Variants in MTSS1 observed in about 807,000 individuals in gnomAD.
MTSS1 encodes protein MTSS 1.
MTSS1 carries 18 observed loss-of-function variants against 79.0 expected under a neutral mutation model. That is an observed-to-expected ratio of 0.23 (90% CI 0.16 to 0.34). The LOEUF is 0.34. Among genes scored for constraint, MTSS1 ranks in the 10% least tolerant of loss-of-function variants. The probability of loss-of-function intolerance (pLI) is 1.00; values close to 1 mark genes in which losing one functional copy is unlikely to be tolerated. For synonymous variants in MTSS1, 341 were observed against 368.6 expected (o/e 0.93, Z 0.86); for missense variants, 815 against 986.2 (o/e 0.83, Z 2.33).
At chr8:124,675,040 T>C (rs559867167) in intron 3 of MTSS1, among the ~76,000 whole-genome samples, 2 of 152,328 alleles carry the variant, frequency 1.3e-5, no homozygotes, top group South Asian at 4.1e-4. Context: ...ATTCTTGCTC[T>C]TTCTGTTTTC....
chr8:124,631,885 G>A (rs1816026557), intron 3 of MTSS1, among the ~76,000 whole-genome samples: 1 of 152,316 alleles, frequency 6.6e-6, no homozygotes, highest in South Asian at 2.1e-4. Context: ...CTCTTCCACT[G>A]CAGCTACTGG....
At chr8:124,691,962 C>T (rs1210453925) in intron 3 of MTSS1, among the ~76,000 whole-genome samples, 3 of 151,182 alleles carry the variant, frequency 2.0e-5, no homozygotes, top group Non-Finnish European at 4.4e-5. Flanking sequence ...CAGTTTGAGG[C>T]TAAAGAGTTT....
At chr8:124,684,104 A>C (rs1176718073) in intron 3 of MTSS1, among the ~76,000 whole-genome samples, 1 of 151,838 alleles carries the variant, frequency 6.6e-6, no homozygotes, top group African/African-American at 2.4e-5. Context: ...ACCTTTCTTT[A>C]TTTCTTTTTT....
chr8:124,696,277 G>A (rs1332133752), intron 3 of MTSS1, among the ~76,000 whole-genome samples: 1 of 152,130 alleles, frequency 6.6e-6, no homozygotes, highest in Non-Finnish European at 1.5e-5. Context: ...GTGAGCCACT[G>A]CGCCCAGCCT....
intron 1 of MTSS1, among the ~76,000 whole-genome samples, chr8:124,719,011 T>A (rs190919515): frequency 6.6e-6 from 1 of 152,266 alleles, no homozygotes; most frequent in Admixed American, 6.5e-5. Flanking sequence ...TGAGTCCTAA[T>A]GGTACAAATA....
At position 124,727,321 on chromosome 8, in the gene MTSS1, T is replaced by C. The variant is rs1182017681; in HGVS notation, c.72+563A>G. 2.0e-5 allele frequency among the ~76,000 whole-genome samples: 3 copies of C among 152,162 alleles called. No individual in the cohort carries two copies. Among genetic ancestry groups the C allele is most frequent in the Admixed American group, 6.5e-5 (1 of 15,286 alleles). ...GGCTAAGAGAGGGCACGCACACCTT[T>C]ACCAGCTTCGGAACGGCCCAATTAA... On this transcript the variant is annotated intron_variant, in intron 1 of 13. Coordinates refer to ENST00000518547, the MANE Select transcript of MTSS1 (RefSeq NM_014751.6). This position sits in a 1 kb window ranked among gnomAD's most constrained non-coding sequence, Gnocchi z 4.7.
At position 124,727,485 on chromosome 8, in the gene MTSS1, A is replaced by C; in HGVS notation, c.72+399T>G. The stretch of plus-strand genomic sequence containing the variant: ...CCCACTTCCTCCCCACCACCGCGCC[A>C]GGCGCCCCCACCCCGTGCCCGGAGG... On this transcript the variant is annotated intron_variant, in intron 1 of 13. Coordinates refer to ENST00000518547, the MANE Select transcript of MTSS1 (RefSeq NM_014751.6). This position sits in a 1 kb window ranked among gnomAD's most constrained non-coding sequence, Gnocchi z 4.7. 2 of 446,778 alleles carry C rather than the reference A, an allele frequency of 4.5e-6. No homozygotes were observed. The highest frequency in any genetic ancestry group is 1.6e-5 in the South Asian group (1 of 62,716). 27.7% of individuals were successfully genotyped at this position (446,778 alleles called of 1,614,324 possible). A position where few individuals can be genotyped will look rare whatever the true frequency, so the allele number is the denominator to read the frequency against.
At chr8:124,570,286 C>T (rs1827469208) in intron 6 of MTSS1, among the ~76,000 whole-genome samples, 1 of 152,166 alleles carries the variant, frequency 6.6e-6, no homozygotes, top group African/African-American at 2.4e-5. Context: ...ATATAACTCT[C>T]ATCAGTCAAG....
chr8:124,631,420 C>T (rs866517750), intron 3 of MTSS1, among the ~76,000 whole-genome samples: 10 of 152,354 alleles, frequency 6.6e-5, no homozygotes, highest in Middle Eastern at 3.4e-3. Context: ...GAGCGCTACA[C>T]GACAGTCCCG....
chr8:124,611,068 C>T (rs376807046), intron 3 of MTSS1, among the ~76,000 whole-genome samples: 1 of 149,698 alleles, frequency 6.7e-6, no homozygotes, highest in Non-Finnish European at 1.5e-5. Context: ...AAACAGTGCA[C>T]GTGCCTGAGT....
intron 3 of MTSS1, among the ~76,000 whole-genome samples, chr8:124,670,932 C>T (rs942318406): frequency 6.6e-6 from 1 of 152,162 alleles, no homozygotes; most frequent in Non-Finnish European, 1.5e-5. Context: ...CAAAAGAAAA[C>T]ACAGCTACCG....
At chr8:124,557,558 G>T in intron 11 of MTSS1, 123 bp downstream of exon 11, 1 of 1,060,534 alleles carries the variant, frequency 9.4e-7, no homozygotes, top group Non-Finnish European at 1.3e-6. Context: ...GAGGCATTAT[G>T]GGGAAGAAGG....
Position 124,552,915 on chromosome 8 carries a change from T to G in MTSS1, c.*77A>C. 1 of 1,422,976 alleles carries G rather than the reference T, an allele frequency of 7.0e-7. No individual in the cohort carries two copies. The highest frequency in any genetic ancestry group is 2.1e-5 in the Admixed American group (1 of 47,188). 88.1% of individuals were successfully genotyped at this position (1,422,976 alleles called of 1,614,324 possible). A position where few individuals can be genotyped will look rare whatever the true frequency, so the allele number is the denominator to read the frequency against. Reference sequence around the variant, plus strand: ...GCCTACAAAATCTTTTGTTTTATTATAGAGTGGAATGGATCAAGACAAATT... The same window carrying G: ...GCCTACAAAATCTTTTGTTTTATTAGAGAGTGGAATGGATCAAGACAAATT... On this transcript the variant is annotated 3_prime_UTR_variant, in exon 14 of 14. Transcript: ENST00000518547.
intron 3 of MTSS1, among the ~76,000 whole-genome samples, chr8:124,609,472 G>A (rs183695040): frequency 1.1e-4 from 17 of 152,320 alleles, no homozygotes; most frequent in African/African-American, 2.6e-4. Context: ...GGACATTCAC[G>A]TAACCTTCAG....
intron 3 of MTSS1, among the ~76,000 whole-genome samples, chr8:124,686,576 A>C (rs1019062891): frequency 6.6e-6 from 1 of 152,240 alleles, no homozygotes; most frequent in African/African-American, 2.4e-5. Context: ...AAAAAGGCAT[A>C]GCCAGAGTTC....
intron 8 of MTSS1, 94 bp from the exon 9 acceptor site, chr8:124,565,853 C>A: frequency 9.6e-7 from 1 of 1,046,384 alleles, no homozygotes; most frequent in South Asian, 1.6e-5. Context: ...AAAACGCTGC[C>A]ATCGTGGGGG....
chr8:124,612,450 TA>T (rs1233046314), intron 3 of MTSS1, among the ~76,000 whole-genome samples: 5 of 152,230 alleles, frequency 3.3e-5, no homozygotes, highest in Non-Finnish European at 7.3e-5. Context: ...GATGCTGGTT[TA>T]TTTTAGGAGA....
At position 124,699,533 on chromosome 8, in the gene MTSS1, G is replaced by C; in HGVS notation, c.201C>G (p.Asn67Lys). The change falls in exon 3 of 14, where the codon AAC (asparagine) becomes AAG (lysine). Residue 67 changes from asparagine (N) to lysine (K), a missense_variant. Around this residue, in one of 2 missense-constraint regions of MTSS1, gnomAD observed 225 missense variants for 365.4 expected, o/e 0.62. Transcript: ENST00000518547. ...CAGCCTCCATCTGCTTACCACGTGT[G>C]TTGGTGGCCATGTCAGCCACTTTCT... ...AFQKVADMAT[N>K]TRGGTREIGS... 1.2e-6 allele frequency: 2 copies of C among 1,614,166 alleles called. No individual in the cohort carries two copies. Among genetic ancestry groups the C allele is most frequent in the Non-Finnish European group, 1.7e-6 (2 of 1,179,994 alleles).
chr8:124,622,384 C>T (rs921713853), intron 3 of MTSS1, among the ~76,000 whole-genome samples: 3 of 150,598 alleles, frequency 2.0e-5, no homozygotes, highest in Non-Finnish European at 2.9e-5. Flanking sequence ...CAAGATGCAT[C>T]GCCCAGAGAC....
Sources: gnomAD v4.1 joint callset for allele counts (sites outside exome capture counted in the v4.1 genomes callset) on GRCh38, gnomAD v4.1.1 for gene constraint, gnomAD v4.1.1 regional missense constraint, Gnocchi (gnomAD v3.1) non-coding constraint, MANE v1.5 for transcripts, NCBI Gene and HGNC (gene_info 2026-07-23, HGNC 2026-07-21) for gene names.